Variants in ABTB3 observed in about 807,000 individuals in gnomAD.
The protein encoded by ABTB3 is ankyrin repeat- and BTB/POZ domain-containing protein 3.
At chr12:107,457,916 G>A in the ABTB3 span, among the ~76,000 whole-genome samples, 1 of 152,342 alleles carries the variant, frequency 6.6e-6, no homozygotes, top group African/African-American at 2.4e-5. Context: ...CTTACTAGCC[G>A]TGTGACCTCG....
At chr12:107,643,592 A>C in the ABTB3 span, among the ~76,000 whole-genome samples, 409 of 151,978 alleles carry the variant, frequency 2.7e-3, 3 homozygotes, top group African/African-American at 9.6e-3. Flanking sequence ...TACTGAGAGC[A>C]AAGTGGTCAT....
At chr12:107,320,608 A>G in the ABTB3 span, 2 of 455,986 alleles carry the variant, frequency 4.4e-6, no homozygotes. Context: ...AATGGTTGAA[A>G]GCTTGCACGG....
At chr12:107,615,155 T>C in the ABTB3 span, 1 of 1,611,612 alleles carries the variant, frequency 6.2e-7, no homozygotes, top group Non-Finnish European at 8.5e-7. Flanking sequence ...CATATTCCTG[T>C]AGTTCAGGTA....
At chr12:107,415,100 C>T in the ABTB3 span, among the ~76,000 whole-genome samples, 7 of 152,256 alleles carry the variant, frequency 4.6e-5, no homozygotes, top group African/African-American at 1.4e-4. Context: ...CTTTGGGACA[C>T]GCACGATCTG....
the ABTB3 span, among the ~76,000 whole-genome samples, chr12:107,367,963 A>G: frequency 6.6e-6 from 1 of 152,208 alleles, no homozygotes; most frequent in Non-Finnish European, 1.5e-5. Context: ...TATAGAAACG[A>G]TATTGCACAA....
chr12:107,394,057 G>T, the ABTB3 span, among the ~76,000 whole-genome samples: 15 of 152,194 alleles, frequency 9.9e-5, no homozygotes, highest in Non-Finnish European at 1.6e-4. Flanking sequence ...CAAAGCCAGG[G>T]TCCTTAACCA....
chr12:107,571,810 GGA>G, the ABTB3 span, among the ~76,000 whole-genome samples: 1 of 152,234 alleles, frequency 6.6e-6, no homozygotes, highest in Non-Finnish European at 1.5e-5. Context: ...AGCAGCTAGC[GGA>G]GAGAGGCACA....
chr12:107,484,749 A>G, the ABTB3 span, among the ~76,000 whole-genome samples: 2 of 152,198 alleles, frequency 1.3e-5, no homozygotes, highest in East Asian at 3.8e-4. Context: ...TGTCAGGACC[A>G]GGTGCTACTT....
chr12:107,617,182 G>T, the ABTB3 span: 1 of 1,614,140 alleles, frequency 6.2e-7, no homozygotes, highest in Non-Finnish European at 8.5e-7. Context: ...AGCTGCTGTA[G>T]GTAAGAGCTG....
the ABTB3 span, among the ~76,000 whole-genome samples, chr12:107,616,471 A>G: frequency 6.6e-6 from 1 of 152,246 alleles, no homozygotes; most frequent in African/African-American, 2.4e-5. Context: ...AAGCCCAGCT[A>G]TCTCAGGGGA....
the ABTB3 span, among the ~76,000 whole-genome samples, chr12:107,379,205 G>A: frequency 6.6e-6 from 1 of 152,192 alleles, no homozygotes; most frequent in Non-Finnish European, 1.5e-5. Context: ...CTGGTGCAGA[G>A]TAAGGGCTCC....
the ABTB3 span, among the ~76,000 whole-genome samples, chr12:107,452,504 C>A: frequency 6.6e-6 from 1 of 152,014 alleles, no homozygotes; most frequent in Non-Finnish European, 1.5e-5. Context: ...CCGCGCCCGG[C>A]CATGAAACTT....
At chr12:107,582,555 C>T in the ABTB3 span, among the ~76,000 whole-genome samples, 4 of 152,134 alleles carry the variant, frequency 2.6e-5, no homozygotes, top group East Asian at 1.9e-4. Flanking sequence ...CAGGGAGAGG[C>T]GAGGGAACGG....
the ABTB3 span, among the ~76,000 whole-genome samples, chr12:107,493,426 C>T: frequency 8.5e-5 from 13 of 152,166 alleles, no homozygotes; most frequent in African/African-American, 2.9e-4. Context: ...TCCCAGCAAA[C>T]GGAGCTTGCA....
the ABTB3 span, among the ~76,000 whole-genome samples, chr12:107,416,903 G>A: frequency 7.2e-5 from 11 of 152,156 alleles, no homozygotes; most frequent in African/African-American, 2.2e-4. Context: ...AAAGCAATAG[G>A]ATTATAGGCC....
At chr12:107,375,881 C>G in the ABTB3 span, among the ~76,000 whole-genome samples, 10 of 152,160 alleles carry the variant, frequency 6.6e-5, no homozygotes, top group Admixed American at 6.5e-4. Flanking sequence ...CCTTGGGAGT[C>G]GAATCCAGGG....
At chr12:107,438,991 T>C in the ABTB3 span, among the ~76,000 whole-genome samples, 2 of 152,232 alleles carry the variant, frequency 1.3e-5, no homozygotes, top group Non-Finnish European at 2.9e-5. Flanking sequence ...TAATGTGTTC[T>C]GCAAACATAA....
At chr12:107,382,196 GA>G in the ABTB3 span, among the ~76,000 whole-genome samples, 1 of 152,182 alleles carries the variant, frequency 6.6e-6, no homozygotes, top group South Asian at 2.1e-4. Context: ...GGGCCCCCTG[GA>G]GGAGGTGACT....
the ABTB3 span, among the ~76,000 whole-genome samples, chr12:107,340,056 C>T: frequency 3.3e-5 from 5 of 151,934 alleles, no homozygotes; most frequent in Non-Finnish European, 7.4e-5. Context: ...AAACATCTAA[C>T]CAGACTTTTT....
Sources: gnomAD v4.1 joint callset for allele counts (sites outside exome capture counted in the v4.1 genomes callset) on GRCh38, gnomAD v4.1.1 for gene constraint, MANE v1.5 for transcripts, NCBI Gene and HGNC (gene_info 2026-07-23, HGNC 2026-07-21) for gene names.